The following OSBPL6 variants were observed in gnomAD, a reference collection of about 807,000 sequenced individuals.
OSBPL6 encodes oxysterol-binding protein-related protein 6.
OSBPL6 carries 49 observed loss-of-function variants against 125.8 expected under a neutral mutation model. That is an observed-to-expected ratio of 0.39 (90% CI 0.31 to 0.49). OSBPL6 has a LOEUF of 0.49. Among genes scored for constraint, OSBPL6 ranks in the 20% least tolerant of loss-of-function variants. The pLI, the probability that OSBPL6 is intolerant of heterozygous loss-of-function variation, is 0.88. For missense variants in OSBPL6, 986 were observed against 1,135.4 expected (o/e 0.87, Z 1.89); for synonymous variants, 394 against 391.8 (o/e 1.01, Z -0.07).
intron 2 of OSBPL6, among the ~76,000 whole-genome samples, chr2:178,288,604 A>G (rs551254524): frequency 1.2e-4 from 18 of 152,054 alleles, no homozygotes; most frequent in Non-Finnish European, 1.0e-4. Flanking sequence ...TACTGTTCAT[A>G]TCAAGGTTTT....
At chr2:178,275,518 GATAATA>G (rs993674538) in intron 1 of OSBPL6, among the ~76,000 whole-genome samples, 1 of 151,606 alleles carries the variant, frequency 6.6e-6, no homozygotes, top group African/African-American at 2.4e-5. Flanking sequence ...AAATAATAAT[GATAATA>G]ATAATAATAA....
chr2:178,294,915 G>C (rs55882558), intron 2 of OSBPL6, among the ~76,000 whole-genome samples: 1 of 144,528 alleles, frequency 6.9e-6, no homozygotes, highest in East Asian at 2.0e-4. Context: ...TACTCTCTTA[G>C]CAATTTTCGA....
chr2:178,240,779 A>G (rs2091258370), intron 1 of OSBPL6, among the ~76,000 whole-genome samples: 1 of 152,156 alleles, frequency 6.6e-6, no homozygotes, highest in African/African-American at 2.4e-5. Flanking sequence ...TTAGCTGAGA[A>G]CCATTCACAT....
intron 1 of OSBPL6, among the ~76,000 whole-genome samples, chr2:178,281,448 A>G (rs1684164832): frequency 6.6e-6 from 1 of 152,082 alleles, no homozygotes; most frequent in Non-Finnish European, 1.5e-5. Context: ...ATTTTTGTAT[A>G]AGGTGTAAGG....
intron 22 of OSBPL6, among the ~76,000 whole-genome samples, chr2:178,391,541 G>C (rs777575748): frequency 1.3e-5 from 2 of 152,124 alleles, no homozygotes; most frequent in Non-Finnish European, 2.9e-5. Context: ...GATAATTGAA[G>C]TATACAAACT....
At chr2:178,262,652 A>T (rs2154018048) in intron 1 of OSBPL6, among the ~76,000 whole-genome samples, 1 of 152,320 alleles carries the variant, frequency 6.6e-6, no homozygotes, top group African/African-American at 2.4e-5. Flanking sequence ...TTCGACAGGA[A>T]GTAGCTTAAT....
intron 5 of OSBPL6, among the ~76,000 whole-genome samples, chr2:178,331,191 G>A (rs2154077146): frequency 6.6e-6 from 1 of 152,252 alleles, no homozygotes; most frequent in Admixed American, 6.5e-5. Context: ...CCTGTATAGA[G>A]CTCCTTACAG....
At chr2:178,291,996 A>G (rs1685324574) in intron 2 of OSBPL6, among the ~76,000 whole-genome samples, 1 of 152,086 alleles carries the variant, frequency 6.6e-6, no homozygotes. Flanking sequence ...GGTTTTTTAT[A>G]TAGGTAAACT....
intron 1 of OSBPL6, among the ~76,000 whole-genome samples, chr2:178,277,933 G>A (rs1352155169): frequency 6.6e-6 from 1 of 152,136 alleles, no homozygotes; most frequent in Non-Finnish European, 1.5e-5. Flanking sequence ...GTTCTTTACA[G>A]CCCACACAGT....
chr2:178,282,768 C>T (rs1405446886), intron 1 of OSBPL6, among the ~76,000 whole-genome samples: 1 of 152,218 alleles, frequency 6.6e-6, no homozygotes, highest in African/African-American at 2.4e-5. Flanking sequence ...TCTCCTGCCT[C>T]AGCCTCCTAA....
chr2:178,197,288 A>G (rs2088957729), intron 1 of OSBPL6, among the ~76,000 whole-genome samples: 1 of 152,258 alleles, frequency 6.6e-6, no homozygotes, highest in Non-Finnish European at 1.5e-5. Context: ...CTGTTGAAAT[A>G]CATATCTTTT....
chr2:178,385,649 C>T (rs1184265905), intron 19 of OSBPL6, 128 bp downstream of exon 19: 2 of 696,048 alleles, frequency 2.9e-6, no homozygotes, highest in East Asian at 2.7e-5. Flanking sequence ...GTAATTGGTG[C>T]AGAGCTCATT....
chr2:178,303,836 C>T (rs1433255987), intron 2 of OSBPL6, among the ~76,000 whole-genome samples: 1 of 152,180 alleles, frequency 6.6e-6, no homozygotes, highest in Non-Finnish European at 1.5e-5. Flanking sequence ...CCAGCACTCT[C>T]CCATCCTCTC....
rs2154122632 is a variant in OSBPL6, at chr2:178,399,112, A to T, written c.*3553A>T. 6.6e-6 allele frequency: 1 copy of T among 152,304 alleles called. No individual in the cohort carries two copies. Among genetic ancestry groups the T allele is most frequent in the South Asian group, 2.1e-4 (1 of 4,818 alleles). 9.4% of individuals were successfully genotyped at this position (152,304 alleles called of 1,614,324 possible). A position where few individuals can be genotyped will look rare whatever the true frequency, so the allele number is the denominator to read the frequency against. On this transcript the variant is annotated 3_prime_UTR_variant, in exon 25 of 25. Coordinates refer to ENST00000190611, the MANE Select transcript of OSBPL6 (RefSeq NM_032523.4). Reference sequence around the variant, plus strand: ...AGTAAATAAAGTTTGTGTACAAAATACTAGTTTATTTCTATGGGAGCCATT... The same window carrying T: ...AGTAAATAAAGTTTGTGTACAAAATTCTAGTTTATTTCTATGGGAGCCATT...
chr2:178,198,675 G>C lies in OSBPL6; in HGVS notation c.-351+4001G>C, dbSNP rs566360865. On this transcript the variant is annotated intron_variant, in intron 1 of 24. Coordinates refer to ENST00000190611, the MANE Select transcript of OSBPL6 (RefSeq NM_032523.4). ...ATAAATAAGAGAACTGCGGCACAAAGAGGTTAAGTAATCTGCCCAAGGTGT... is the reference window on the plus strand; with the variant it reads ...ATAAATAAGAGAACTGCGGCACAAACAGGTTAAGTAATCTGCCCAAGGTGT... Among the ~76,000 whole-genome samples the C allele has an allele frequency of 8.7e-5, 12 of 137,906 alleles. No homozygotes were observed. The South Asian group carries it at 1.2e-3, about 14-fold the overall frequency. The allele number at this position is 137,906 out of a possible 152,430, so 90.5% of individuals were successfully genotyped here.
At chr2:178,254,116 G>A (rs760642551) in intron 1 of OSBPL6, among the ~76,000 whole-genome samples, 9 of 152,166 alleles carry the variant, frequency 5.9e-5, no homozygotes, top group African/African-American at 1.2e-4. Flanking sequence ...TCCTTTGGCC[G>A]GGTATGGTGG....
In OSBPL6 at chr2:178,395,889, G is replaced by T. The variant is rs1695817783; in HGVS notation, c.*330G>T. 1 of 415,580 alleles carries T rather than the reference G, an allele frequency of 2.4e-6. No homozygotes were observed. Among genetic ancestry groups the T allele is most frequent in the Non-Finnish European group, 4.6e-6 (1 of 217,320 alleles). 25.7% of individuals were successfully genotyped at this position (415,580 alleles called of 1,614,324 possible). A position where few individuals can be genotyped will look rare whatever the true frequency, so the allele number is the denominator to read the frequency against. On this transcript the variant is annotated 3_prime_UTR_variant, in exon 25 of 25. Coordinates refer to ENST00000190611, the MANE Select transcript of OSBPL6 (RefSeq NM_032523.4). ...TTGTAAAGAAAAACAAATGGTAACT[G>T]GTGCTTAAAGCTGATCAAGAAAGTT...
At chr2:178,249,597 A>G (rs1290001427) in intron 1 of OSBPL6, among the ~76,000 whole-genome samples, 1 of 152,068 alleles carries the variant, frequency 6.6e-6, no homozygotes, top group South Asian at 2.1e-4. Context: ...TTTTCTGTCT[A>G]TTTGCTTTGC....
intron 2 of OSBPL6, among the ~76,000 whole-genome samples, chr2:178,287,997 CA>C (rs1347980765): frequency 6.6e-6 from 1 of 150,512 alleles, no homozygotes; most frequent in Non-Finnish European, 1.5e-5. Flanking sequence ...AACCAGTGAG[CA>C]AAAATAACAT....
Sources: gnomAD v4.1 joint callset for allele counts (sites outside exome capture counted in the v4.1 genomes callset) on GRCh38, gnomAD v4.1.1 for gene constraint, MANE v1.5 for transcripts, NCBI Gene and HGNC (gene_info 2026-07-23, HGNC 2026-07-21) for gene names.